The following NAPSA variants were observed in gnomAD, a reference collection of about 807,000 sequenced individuals.
NAPSA encodes the protein napsin-A.
A neutral mutation model predicts 36.7 loss-of-function variants in NAPSA; 37 were observed. The ratio of observed to expected loss-of-function variants is 1.01; its 90% CI spans 0.78 to 1.33. NAPSA has a LOEUF of 1.33. Ranked by LOEUF, NAPSA falls within the 40% of genes most tolerant of loss-of-function variation. The probability of loss-of-function intolerance (pLI) is 0.00; values close to 1 mark genes in which losing one functional copy is unlikely to be tolerated. For synonymous variants in NAPSA, 222 were observed against 234.5 expected (o/e 0.95, Z 0.49); for missense variants, 532 against 543.8 (o/e 0.98, Z 0.21).
At position 50,358,779 on chromosome 19, in the gene NAPSA, G is replaced by A; in HGVS notation, c.1037C>T (p.Thr346Ile). ...GCAGAGGCGGACGCCATTTCGAGTA[G>A]TCTGCAAGGCAACAAGACGACAACT... ...NLTAHDYVIQ[T>I]TRNGVRLCLS... is the part of the protein sequence containing the mutation. The change falls in exon 9 of 9, where the codon ACT (threonine) becomes ATT (isoleucine). Residue 346 changes from threonine to isoleucine, a missense_variant and splice_region_variant. This residue lies in a region of NAPSA where 385 missense variants were observed against 371.5 expected (regional missense o/e 1.04). Coordinates refer to ENST00000253719, the MANE Select transcript of NAPSA (RefSeq NM_004851.3). The A allele has an allele frequency of 1.2e-6, 2 of 1,609,772 alleles. No homozygotes were observed. The highest frequency in any genetic ancestry group is 1.7e-6 in the Non-Finnish European group (2 of 1,178,570).
At position 50,358,676 on chromosome 19, in the gene NAPSA, C is replaced by T. The variant is rs759289268; in HGVS notation, c.1140G>A (p.Thr380=). Residue 380 remains threonine (T), a synonymous_variant, in exon 9 of 9, where the codon ACG becomes ACA. Transcript: ENST00000253719. Reference sequence around the variant, plus strand: ...CCCCGCGGTCGAAGACGGCCACATACGTCCCCAAGAAGACGTCACCGAGGA... The same window carrying T: ...CCCCGCGGTCGAAGACGGCCACATATGTCCCCAAGAAGACGTCACCGAGGA... ...FWILGDVFLG[T]YVAVFDRGDM... is the part of the protein sequence containing the mutation. The T allele has an allele frequency of 1.9e-6, 3 of 1,613,356 alleles. No homozygotes were observed. The highest frequency in any genetic ancestry group is 1.7e-5 in the Admixed American group (1 of 60,008).
chr19:50,359,462 A>G (rs757487075), intron 7 of NAPSA, 41 bp downstream of exon 7: 8 of 1,612,172 alleles, frequency 5.0e-6, no homozygotes, highest in Non-Finnish European at 5.9e-6. Flanking sequence ...TCAAACTGCC[A>G]TCAGCCTTCC....
chr19:50,365,529 G>A lies in NAPSA; in HGVS notation c.83+10C>T, dbSNP rs2037536486. 3 of 1,611,212 alleles carry A rather than the reference G, an allele frequency of 1.9e-6. No individual in the cohort carries two copies. The African/African-American group carries it at 4.0e-5, about 21-fold the overall frequency. On this transcript the variant is annotated intron_variant, in intron 1 of 8. Transcript: ENST00000253719. ...TCCTAAGGTTGGGGTGGTAGATGGG[G>A]TCACCATACCGGATCAGTGTGGCCC...
At chr19:50,363,595 C>T (rs1485233896) in intron 1 of NAPSA, among the ~76,000 whole-genome samples, 1 of 151,826 alleles carries the variant, frequency 6.6e-6, no homozygotes, top group Non-Finnish European at 1.5e-5. Flanking sequence ...CAAGGTGTCA[C>T]CCTGTTGCCC....
intron 1 of NAPSA, among the ~76,000 whole-genome samples, chr19:50,364,334 G>C (rs905154810): frequency 2.5e-5 from 3 of 120,568 alleles, no homozygotes; most frequent in African/African-American, 9.9e-5. Context: ...AAAAAAAAAA[G>C]GCCAGGCGCG....
In NAPSA at chr19:50,359,053, C is replaced by G. The variant is rs369442716; in HGVS notation, c.993G>C (p.Gly331=). The change falls in exon 8 of 9, where the codon GGG becomes GGC. Residue 331 remains glycine, a synonymous_variant. Transcript: ENST00000253719. ...GGGCCGTGAGGTTAAACCAGACCCC[C>G]CCAAGAAGGAAGGAGACTGCGGGGA... The part of the protein sequence containing the change: ...PKLPAVSFLL[G]GVWFNLTAHD... The G allele has an allele frequency of 6.2e-7, 1 of 1,614,014 alleles. No homozygotes were observed. The highest frequency in any genetic ancestry group is 8.5e-7 in the Non-Finnish European group (1 of 1,180,026).
At chr19:50,367,549 CCTCTCTCTCTCT>C (rs779681679), upstream of NAPSA, among the ~76,000 whole-genome samples, 3,833 of 133,068 alleles carry the variant, frequency 0.029, 67 homozygotes, top group African/African-American at 0.041. Context: ...TCTCTCTCTC[CCTCTCTCTCTCT>C]CTCTCTCTCT....
chr19:50,358,626 C>A lies in NAPSA; in HGVS notation c.1190G>T (p.Gly397Val). Residue 397 changes from glycine to valine, a missense_variant, in exon 9 of 9, where the codon GGC becomes GTC. Coordinates refer to ENST00000253719, the MANE Select transcript of NAPSA (RefSeq NM_004851.3). ...TCCGCGAGTGCGAGCGCGCGCCAGG[C>A]CCACCCGGGCGCTGCTCTTCATGTC... ...RGDMKSSARV[G>V]LARARTRGAD... 1 of 1,612,490 alleles carries A rather than the reference C, an allele frequency of 6.2e-7. No individual in the cohort carries two copies. Among genetic ancestry groups the A allele is most frequent in the Non-Finnish European group, 8.5e-7 (1 of 1,179,736 alleles).
chr19:50,363,800 A>G lies in NAPSA; in HGVS notation c.84-1487T>C, dbSNP rs578198815. On this transcript the variant is annotated intron_variant, in intron 1 of 8. Transcript: ENST00000253719. The stretch of plus-strand genomic sequence containing the variant: ...GCTGGTCTCAAAACTCTTGGCCTCA[A>G]ACAAGCTTCCCACCTTGGACTTCCA... Among the ~76,000 whole-genome samples, 82 of 152,158 alleles carry G rather than the reference A, an allele frequency of 5.4e-4. No homozygotes were observed. The South Asian group carries it at 0.015, about 28-fold the overall frequency.
At chr19:50,359,444 G>A in intron 7 of NAPSA, 59 bp downstream of exon 7, 1 of 1,607,090 alleles carries the variant, frequency 6.2e-7, no homozygotes, top group Non-Finnish European at 8.5e-7. Flanking sequence ...GCCCTTTGAT[G>A]TTCACTGTCA....
At chr19:50,365,022 A>T (rs1042017874) in intron 1 of NAPSA, among the ~76,000 whole-genome samples, 1 of 145,452 alleles carries the variant, frequency 6.9e-6, no homozygotes, top group Non-Finnish European at 1.5e-5. Flanking sequence ...AATAATAATA[A>T]TAATAATAAT....
chr19:50,368,813 A>AC (rs2037580856), upstream of NAPSA, among the ~76,000 whole-genome samples: 1 of 152,196 alleles, frequency 6.6e-6, no homozygotes, highest in African/African-American at 2.4e-5. Flanking sequence ...CTAGAGCTGG[A>AC]CCCCTGGAAC....
At position 50,361,052 on chromosome 19, in the gene NAPSA, A is replaced by G. The variant is rs770386931; in HGVS notation, c.557T>C (p.Ile186Thr). 6.2e-7 allele frequency: 1 copy of G among 1,614,192 alleles called. No individual in the cohort carries two copies. The highest frequency in any genetic ancestry group is 1.1e-5 in the South Asian group (1 of 91,074). ...CAGAATGGGAAAACCGAGGCCCAAT[A>G]TCCCATCAAAATGGGCAAAAGCGAA... Reference protein sequence around the residue: ...LVFAFAHFDGILGLGFPILSV... With the variant: ...LVFAFAHFDGTLGLGFPILSV... The change falls in exon 5 of 9, where the codon ATA (isoleucine) becomes ACA (threonine). Residue 186 changes from isoleucine (I) to threonine (T), a missense_variant. Around this residue, in one of 3 missense-constraint regions of NAPSA, gnomAD observed 385 missense variants for 371.5 expected, o/e 1.04. Coordinates refer to ENST00000253719, the MANE Select transcript of NAPSA (RefSeq NM_004851.3).
chr19:50,368,414 C>G (rs1487673071), upstream of NAPSA, among the ~76,000 whole-genome samples: 1 of 152,044 alleles, frequency 6.6e-6, no homozygotes, highest in Non-Finnish European at 1.5e-5. Context: ...ATAACTTGAG[C>G]CTAGGAGGCT....
Position 50,365,597 on chromosome 19 carries a change from G to T in NAPSA, c.25C>A (p.Pro9Thr). MSPPPLLQ[P>T]LLLLLPLLNV... ...AGCAGAGGCAGCAGCAGCAGCAGGG[G>T]TTGCAGCAGCGGTGGTGGAGACATC... Residue 9 changes from proline (P) to threonine (T), a missense_variant, in exon 1 of 9, where the codon CCC becomes ACC. Pro to Thr is a conservative substitution (Grantham distance 38). Coordinates refer to ENST00000253719, the MANE Select transcript of NAPSA (RefSeq NM_004851.3). 6.2e-7 allele frequency: 1 copy of T among 1,613,040 alleles called. No individual in the cohort carries two copies. Among genetic ancestry groups the T allele is most frequent in the South Asian group, 1.1e-5 (1 of 90,990 alleles).
chr19:50,362,370 G>C, intron 1 of NAPSA, 57 bp from the exon 2 acceptor site: 1 of 1,496,942 alleles, frequency 6.7e-7, no homozygotes, highest in South Asian at 1.3e-5. Context: ...CCTCTAAATA[G>C]ACTTACCCAA....
intron 1 of NAPSA, among the ~76,000 whole-genome samples, chr19:50,365,212 T>C (rs917758609): frequency 6.6e-6 from 1 of 151,244 alleles, no homozygotes; most frequent in Non-Finnish European, 1.5e-5. Context: ...CGCGAGCCTG[T>C]AATCCCAGCT....
intron 8 of NAPSA, 26 bp from the exon 9 acceptor site, chr19:50,358,806 G>A (rs771699396): frequency 1.3e-6 from 2 of 1,577,724 alleles, no homozygotes; most frequent in Non-Finnish European, 1.7e-6. Context: ...ACGACAACTG[G>A]GTGTCGCGGC....
At position 50,361,993 on chromosome 19, in the gene NAPSA, A is replaced by C; in HGVS notation, c.325T>G (p.Cys109Gly). 1 of 1,601,134 alleles carries C rather than the reference A, an allele frequency of 6.2e-7. No individual in the cohort carries two copies. Among genetic ancestry groups the C allele is most frequent in the Non-Finnish European group, 8.5e-7 (1 of 1,173,822 alleles). Residue 109 changes from cysteine to glycine, a missense_variant, in exon 3 of 9, where the codon TGC becomes GGC. By Grantham distance (159) the Cys-to-Gly change is radical. Around this residue, in one of 3 missense-constraint regions of NAPSA, gnomAD observed 45 missense variants for 78.7 expected, o/e 0.57. Transcript: ENST00000253719. ...SSNLWVPSRRCHFFSVPCWLH... is the reference protein window; with the variant it reads ...SSNLWVPSRRGHFFSVPCWLH... ...CAGCAGGGCACACTGAAGAAGTGGC[A>C]TCTCCTGGACGGGACCCAGAGATTG...
Sources: allele counts gnomAD v4.1 joint callset (sites outside exome capture counted in the v4.1 genomes callset), GRCh38; gene constraint gnomAD v4.1.1; regional missense constraint gnomAD v4.1.1; transcripts MANE v1.5; gene names NCBI Gene and HGNC (gene_info 2026-07-23, HGNC 2026-07-21).